The following AGPAT4 variants were observed in gnomAD, a reference collection of about 807,000 sequenced individuals.
AGPAT4 encodes the protein 1-acyl-sn-glycerol-3-phosphate acyltransferase delta.
AGPAT4 carries 15 observed loss-of-function variants against 48.0 expected under a neutral mutation model. The ratio of observed to expected loss-of-function variants is 0.31; its 90% confidence interval spans 0.21 to 0.48. The LOEUF is 0.48. Ranked by LOEUF, AGPAT4 falls within the 20% of genes least tolerant of loss-of-function variation. AGPAT4 has a pLI of 0.99. For missense variants in AGPAT4, 314 were observed against 482.5 expected (o/e 0.65, Z 3.27); for synonymous variants, 178 against 198.7 (o/e 0.90, Z 0.88).
chr6:161,209,115 T>C (rs1781456773), intron 2 of AGPAT4, among the ~76,000 whole-genome samples: 1 of 152,216 alleles, frequency 6.6e-6, no homozygotes, highest in African/African-American at 2.4e-5. Context: ...AGACATCACT[T>C]TGGTGCTAGA....
chr6:161,273,633 G>T (rs1284833347), intron 1 of AGPAT4, among the ~76,000 whole-genome samples: 2 of 152,070 alleles, frequency 1.3e-5, no homozygotes, highest in Non-Finnish European at 2.9e-5. Context: ...GAGGGGGCTG[G>T]GTGGGTGGGT....
intron 1 of AGPAT4, among the ~76,000 whole-genome samples, chr6:161,260,980 G>A (rs561569695): frequency 6.6e-6 from 1 of 152,362 alleles, no homozygotes; most frequent in South Asian, 2.1e-4. Flanking sequence ...CCTTAGAGGA[G>A]TGCACACTGA....
At chr6:161,269,541 G>A (rs2114764718) in intron 1 of AGPAT4, among the ~76,000 whole-genome samples, 1 of 152,254 alleles carries the variant, frequency 6.6e-6, no homozygotes. Flanking sequence ...CTGGGGGAGG[G>A]GGGCTGAGGC....
intron 2 of AGPAT4, among the ~76,000 whole-genome samples, chr6:161,185,002 T>C (rs1333742263): frequency 6.6e-6 from 1 of 152,048 alleles, no homozygotes; most frequent in East Asian, 1.9e-4. Context: ...GAGGCAGTGC[T>C]GGGCTTTTCA....
Position 161,146,394 on chromosome 6 carries a change from C to T in AGPAT4, c.843+130G>A. 1 of 778,352 alleles carries T rather than the reference C, an allele frequency of 1.3e-6. No homozygotes were observed. The highest frequency in any genetic ancestry group is 2.1e-6 in the Non-Finnish European group (1 of 473,786). 48.2% of individuals were successfully genotyped at this position (778,352 alleles called of 1,614,324 possible). A position where few individuals can be genotyped will look rare whatever the true frequency, so the allele number is the denominator to read the frequency against. Reference sequence around the variant, plus strand: ...TTCTTCATTGCCAAGAGAGGGTCAGCTCCAGACTCACTAATAACTGGCTCT... The same window carrying T: ...TTCTTCATTGCCAAGAGAGGGTCAGTTCCAGACTCACTAATAACTGGCTCT... On this transcript the variant is annotated intron_variant, in intron 7 of 8. Coordinates refer to ENST00000320285, the MANE Select transcript of AGPAT4 (RefSeq NM_020133.3). This position sits in a 1 kb window ranked among gnomAD's most constrained non-coding sequence, Gnocchi z 7.1.
chr6:161,190,040 C>T (rs567139294), intron 2 of AGPAT4, among the ~76,000 whole-genome samples: 10 of 152,186 alleles, frequency 6.6e-5, no homozygotes, highest in Admixed American at 2.6e-4. Flanking sequence ...GGAATTAAAA[C>T]GAAACAGGGT....
rs998784977 is a variant in AGPAT4, at chr6:161,131,560, GA to G, written c.*4979del. On this transcript the variant is annotated 3_prime_UTR_variant, in exon 9 of 9. Transcript: ENST00000320285. ...CCCCTTCATGTAGTCACTATTCACTGAGGGCCATGAGGGTGAGGCCCTGCTG... is the reference window on the plus strand; with the variant it reads ...CCCCTTCATGTAGTCACTATTCACTGGGGCCATGAGGGTGAGGCCCTGCTG... The G allele has an allele frequency of 2.0e-5, 3 of 152,306 alleles. No homozygotes were observed. The highest frequency in any genetic ancestry group is 7.2e-5 in the African/African-American group (3 of 41,430). 9.4% of individuals were successfully genotyped at this position (152,306 alleles called of 1,614,324 possible). A position where few individuals can be genotyped will look rare whatever the true frequency, so the allele number is the denominator to read the frequency against.
In AGPAT4 at chr6:161,142,380, G is replaced by A. The variant is rs375343950; in HGVS notation, c.844-2760C>T. Among the ~76,000 whole-genome samples the A allele has an allele frequency of 1.7e-3, 253 of 152,222 alleles. 5 individuals are homozygous for A. Among genetic ancestry groups the A allele is most frequent in the African/African-American group, 3.1e-3 (127 of 41,528 alleles). On this transcript the variant is annotated intron_variant, in intron 7 of 8. Coordinates refer to ENST00000320285, the MANE Select transcript of AGPAT4 (RefSeq NM_020133.3). The surrounding 1 kb of genome is among the most constrained non-coding windows in gnomAD (Gnocchi z 6.4). ...AATTTGCCCCGCAGGGAAAGGACTCGTGTTTTTTGTTTTTGTGTGTTACCG... is the reference window on the plus strand; with the variant it reads ...AATTTGCCCCGCAGGGAAAGGACTCATGTTTTTTGTTTTTGTGTGTTACCG...
At chr6:161,150,341 G>A (rs768020330) in intron 5 of AGPAT4, among the ~76,000 whole-genome samples, 1 of 152,194 alleles carries the variant, frequency 6.6e-6, no homozygotes. Context: ...CTGGAGAAGG[G>A]AGCCTCTGTC....
chr6:161,268,224 G>A (rs1279308517), intron 1 of AGPAT4, among the ~76,000 whole-genome samples: 1 of 152,212 alleles, frequency 6.6e-6, no homozygotes, highest in African/African-American at 2.4e-5. Context: ...AAGGCAGGCT[G>A]TCATCATTCT....
rs1441620440 is a variant in AGPAT4, at chr6:161,262,614, G to T, written c.-90+11324C>A. ...AGGCTTACTGGGGCTCTTAGGGGCT[G>T]AGTTCTCCCCTTCTGACCCACTGCA... On this transcript the variant is annotated intron_variant, in intron 1 of 8. Transcript: ENST00000320285. The surrounding 1 kb of genome is among the most constrained non-coding windows in gnomAD (Gnocchi z 4.9). Among the ~76,000 whole-genome samples, 1 of 152,096 alleles carries T rather than the reference G, an allele frequency of 6.6e-6. No individual in the cohort carries two copies. The highest frequency in any genetic ancestry group is 1.5e-5 in the Non-Finnish European group (1 of 68,020).
In AGPAT4 at chr6:161,231,957, G is replaced by A. The variant is rs773486760; in HGVS notation, c.178+79C>T. 117 of 1,416,446 alleles carry A rather than the reference G, an allele frequency of 8.3e-5. 1 individual carries two copies. The highest frequency in any genetic ancestry group is 1.1e-4 in the Non-Finnish European group (111 of 1,036,540). 87.7% of individuals were successfully genotyped at this position (1,416,446 alleles called of 1,614,324 possible). On this transcript the variant is annotated intron_variant, in intron 2 of 8. Coordinates refer to ENST00000320285, the MANE Select transcript of AGPAT4 (RefSeq NM_020133.3). The surrounding 1 kb of genome is among the most constrained non-coding windows in gnomAD (Gnocchi z 5.3). Reference sequence around the variant, plus strand: ...CAGCTCGGCACACAACGAAAGCCTAGTGAATCCATATCAAGAGCCATAATT... The same window carrying A: ...CAGCTCGGCACACAACGAAAGCCTAATGAATCCATATCAAGAGCCATAATT...
rs1292683998 is a variant in AGPAT4 at position 161,134,166 on chromosome 6, T to C, written c.*2374A>G. Reference sequence around the variant, plus strand: ...TCTCCCCAGCACGCCACATTCTCTTTCGGCTCTAAGGCAATTCAAAACTTG... The same window carrying C: ...TCTCCCCAGCACGCCACATTCTCTTCCGGCTCTAAGGCAATTCAAAACTTG... On this transcript the variant is annotated 3_prime_UTR_variant, in exon 9 of 9. Transcript: ENST00000320285. 7 of 152,274 alleles carry C rather than the reference T, an allele frequency of 4.6e-5. No homozygotes were observed. The highest frequency in any genetic ancestry group is 1.7e-4 in the African/African-American group (7 of 41,550). The allele number at this position is 152,274 out of a possible 1,614,324, so 9.4% of individuals were successfully genotyped here. A position where few individuals can be genotyped will look rare whatever the true frequency, so the allele number is the denominator to read the frequency against.
intron 2 of AGPAT4, among the ~76,000 whole-genome samples, chr6:161,186,649 G>C (rs1297605106): frequency 6.6e-6 from 1 of 152,092 alleles, no homozygotes; most frequent in Admixed American, 6.5e-5. Flanking sequence ...CGCCTCTGCT[G>C]GCTCCGCACG....
intron 2 of AGPAT4, among the ~76,000 whole-genome samples, chr6:161,175,107 CTCT>C (rs1403518665): frequency 2.0e-5 from 3 of 152,080 alleles, no homozygotes; most frequent in Non-Finnish European, 4.4e-5. Flanking sequence ...GTCTAAAATT[CTCT>C]TTTTTTGTTG....
At position 161,206,275 on chromosome 6, in the gene AGPAT4, G is replaced by A. The variant is rs535748948; in HGVS notation, c.178+25761C>T. ...CACATCCTCTACCTGCTGGGTGACC[G>A]ATGTCATAGAAGGCTAAGTGGGGAG... On this transcript the variant is annotated intron_variant, in intron 2 of 8. Coordinates refer to ENST00000320285, the MANE Select transcript of AGPAT4 (RefSeq NM_020133.3). This position sits in a 1 kb window ranked among gnomAD's most constrained non-coding sequence, Gnocchi z 4.8. 5.6e-4 allele frequency among the ~76,000 whole-genome samples: 86 copies of A among 152,252 alleles called. No homozygotes were observed. The highest frequency in any genetic ancestry group is 1.5e-3 in the African/African-American group (64 of 41,554).
rs1243862089 is a variant in AGPAT4 at position 161,212,527 on chromosome 6, C to T, written c.178+19509G>A. Among the ~76,000 whole-genome samples the T allele has an allele frequency of 6.6e-6, 1 of 152,052 alleles. No homozygotes were observed. On this transcript the variant is annotated intron_variant, in intron 2 of 8. Coordinates refer to ENST00000320285, the MANE Select transcript of AGPAT4 (RefSeq NM_020133.3). This position sits in a 1 kb window ranked among gnomAD's most constrained non-coding sequence, Gnocchi z 6.1. ...ATTATACAGGAAACATTGTCAAATA[C>T]GAAATGGTGTTTGGTTTCCTTTAGG...
chr6:161,149,047 G>C lies in AGPAT4; in HGVS notation c.767+140C>G. The C allele has an allele frequency of 8.8e-7, 1 of 1,141,494 alleles. No homozygotes were observed. The highest frequency in any genetic ancestry group is 2.6e-5 in the East Asian group (1 of 37,914). The allele number at this position is 1,141,494 out of a possible 1,614,324, so 70.7% of individuals were successfully genotyped here. A position where few individuals can be genotyped will look rare whatever the true frequency, so the allele number is the denominator to read the frequency against. On this transcript the variant is annotated intron_variant, in intron 6 of 8. Coordinates refer to ENST00000320285, the MANE Select transcript of AGPAT4 (RefSeq NM_020133.3). This position sits in a 1 kb window ranked among gnomAD's most constrained non-coding sequence, Gnocchi z 6.5. ...CAGCAGATCATTCCAATAGTAGGAT[G>C]TGTCAAATTCAATGCAAAACAGACT...
rs1782622188 is a variant in AGPAT4 at position 161,245,479 on chromosome 6, C to T, written c.-89-13177G>A. Reference sequence around the variant, plus strand: ...TGGAAACTAACGTGGCATTAAGCACCCTAGAGGGATCGCCAGGAGTAGAGC... The same window carrying T: ...TGGAAACTAACGTGGCATTAAGCACTCTAGAGGGATCGCCAGGAGTAGAGC... On this transcript the variant is annotated intron_variant, in intron 1 of 8. Coordinates refer to ENST00000320285, the MANE Select transcript of AGPAT4 (RefSeq NM_020133.3). This position sits in a 1 kb window ranked among gnomAD's most constrained non-coding sequence, Gnocchi z 5.2. Among the ~76,000 whole-genome samples the T allele has an allele frequency of 6.6e-6, 1 of 152,122 alleles. No homozygotes were observed. The highest frequency in any genetic ancestry group is 6.5e-5 in the Admixed American group (1 of 15,276).
Sources: allele counts gnomAD v4.1 joint callset (sites outside exome capture counted in the v4.1 genomes callset), GRCh38; gene constraint gnomAD v4.1.1; non-coding constraint Gnocchi (gnomAD v3.1); transcripts MANE v1.5; gene names NCBI Gene and HGNC (gene_info 2026-07-23, HGNC 2026-07-21).